Variants in GPC6 observed in about 807,000 individuals in gnomAD.
GPC6 encodes glypican 6.
In GPC6, 14 loss-of-function variants were observed where a neutral mutation model predicts 55.2. The ratio of observed to expected loss-of-function variants is 0.25; its 90% CI spans 0.17 to 0.40. GPC6 has a LOEUF of 0.40. Ranked by LOEUF, GPC6 falls within the 10% of genes least tolerant of loss-of-function variation. The pLI, the probability that GPC6 is intolerant of heterozygous loss-of-function variation, is 1.00. For missense variants in GPC6, 641 were observed against 708.5 expected (o/e 0.90, Z 1.08); for synonymous variants, 278 against 259.6 (o/e 1.07, Z -0.68).
At chr13:94,160,579 C>T (rs1014730870) in intron 4 of GPC6, among the ~76,000 whole-genome samples, 4 of 152,216 alleles carry the variant, frequency 2.6e-5, no homozygotes, top group East Asian at 1.9e-4. Context: ...TTAAACCATC[C>T]GTGGTAAGCA....
chr13:94,284,468 A>AT (rs1163989305), intron 4 of GPC6, among the ~76,000 whole-genome samples: 6 of 151,388 alleles, frequency 4.0e-5, no homozygotes, highest in South Asian at 4.2e-4. Context: ...TTTTTTTTTA[A>AT]TTTTTTTCTA....
rs545220748 is a variant in GPC6, at chr13:93,896,157, G to A, written c.711+65612G>A. ...TGTATCAAAACATCACATGTACCCCGATAAATACGTACAGCTATTATGTGG... is the reference window on the plus strand; with the variant it reads ...TGTATCAAAACATCACATGTACCCCAATAAATACGTACAGCTATTATGTGG... On this transcript the variant is annotated intron_variant, in intron 3 of 8. Coordinates refer to ENST00000377047, the MANE Select transcript of GPC6 (RefSeq NM_005708.5). Among the ~76,000 whole-genome samples, 19 of 151,920 alleles carry A rather than the reference G, an allele frequency of 1.3e-4. No homozygotes were observed. In the South Asian group the frequency reaches 2.9e-3, roughly 23 times the overall value.
intron 6 of GPC6, among the ~76,000 whole-genome samples, chr13:94,332,511 T>C (rs565175172): frequency 7.2e-5 from 11 of 152,362 alleles, no homozygotes; most frequent in African/African-American, 2.6e-4. Flanking sequence ...CTAATGTCTC[T>C]GTACATAGTT....
intron 1 of GPC6, among the ~76,000 whole-genome samples, chr13:93,354,312 A>T: frequency 6.6e-6 from 1 of 151,636 alleles, no homozygotes; most frequent in African/African-American, 2.4e-5. Flanking sequence ...ATATAATTTA[A>T]AAGACAAGTC....
intron 1 of GPC6, among the ~76,000 whole-genome samples, chr13:93,449,164 T>C (rs11838734): frequency 0.21 from 32,217 of 152,188 alleles, 3,579 homozygotes; most frequent in Middle Eastern, 0.28. Flanking sequence ...TGCCCATGCA[T>C]GCTGTGATAA....
chr13:94,060,865 C>G (rs1286929491), intron 4 of GPC6, among the ~76,000 whole-genome samples: 1 of 152,116 alleles, frequency 6.6e-6, no homozygotes, highest in Non-Finnish European at 1.5e-5. Context: ...TATTAAGTAG[C>G]TCTCTTTTGC....
intron 4 of GPC6, chr13:94,154,388 A>C (rs1887852988): frequency 6.6e-6 from 1 of 152,184 alleles, no homozygotes; most frequent in Admixed American, 6.6e-5. Context: ...ACATGGCAAA[A>C]GGTTTATATC....
chr13:93,920,055 C>T (rs1448364864), intron 3 of GPC6, among the ~76,000 whole-genome samples: 1 of 152,104 alleles, frequency 6.6e-6, no homozygotes, highest in South Asian at 2.1e-4. Flanking sequence ...GTTAATGTTT[C>T]CTCTGTGGTC....
intron 4 of GPC6, among the ~76,000 whole-genome samples, chr13:94,173,977 A>C (rs1888661086): frequency 6.6e-6 from 1 of 152,176 alleles, no homozygotes; most frequent in South Asian, 2.1e-4. Flanking sequence ...TTGATTACCA[A>C]CTATGGCAAT....
Position 93,317,163 on chromosome 13 carries a change from C to T in GPC6, c.160+89547C>T, listed in dbSNP as rs544137026. Among the ~76,000 whole-genome samples the T allele has an allele frequency of 6.6e-5, 10 of 152,130 alleles. No homozygotes were observed. In the South Asian group the frequency reaches 1.7e-3, roughly 25 times the overall value. On this transcript the variant is annotated intron_variant, in intron 1 of 8. Coordinates refer to ENST00000377047, the MANE Select transcript of GPC6 (RefSeq NM_005708.5). ...ATGGGGTGTTTTATATGTGGTCCTGCGTTCAGAAATCAAATTCAGATTTTA... is the reference window on the plus strand; with the variant it reads ...ATGGGGTGTTTTATATGTGGTCCTGTGTTCAGAAATCAAATTCAGATTTTA...
intron 3 of GPC6, among the ~76,000 whole-genome samples, chr13:93,907,011 AC>A (rs1387342749): frequency 6.6e-6 from 1 of 152,206 alleles, no homozygotes; most frequent in Non-Finnish European, 1.5e-5. Context: ...ACTAGAGTTA[AC>A]TTTTCAAATT....
chr13:94,252,276 T>G (rs1891373903), intron 4 of GPC6, among the ~76,000 whole-genome samples: 1 of 152,172 alleles, frequency 6.6e-6, no homozygotes, highest in Non-Finnish European at 1.5e-5. Flanking sequence ...ATGAGTTCTT[T>G]GCAAAGCCCT....
intron 2 of GPC6, among the ~76,000 whole-genome samples, chr13:93,692,656 T>A (rs1235936398): frequency 2.0e-5 from 3 of 152,070 alleles, no homozygotes; most frequent in African/African-American, 7.2e-5. Flanking sequence ...TCTCACTCTT[T>A]TTTCAGTTAA....
intron 6 of GPC6, among the ~76,000 whole-genome samples, chr13:94,360,715 C>A (rs183965930): frequency 2.0e-5 from 3 of 152,280 alleles, no homozygotes; most frequent in East Asian, 3.9e-4. Flanking sequence ...TCCTCCTCCC[C>A]CCAAATATAT....
rs141790361 is a variant in GPC6 at position 93,530,088 on chromosome 13, G to A, written c.161-15175G>A. Among the ~76,000 whole-genome samples, 91 of 152,316 alleles carry A rather than the reference G, an allele frequency of 6.0e-4. 1 individual carries two copies. The highest frequency in any genetic ancestry group is 2.0e-3 in the African/African-American group (85 of 41,576). ...GTAATTACTAGTTTGGGGTGTAATA[G>A]CAGTGGTATGAGCAGATGGCTAAGG... is the stretch of plus-strand genomic sequence containing the variant. On this transcript the variant is annotated intron_variant, in intron 1 of 8. Coordinates refer to ENST00000377047, the MANE Select transcript of GPC6 (RefSeq NM_005708.5).
At position 93,935,061 on chromosome 13, in the gene GPC6, C is replaced by A. The variant is rs986572233; in HGVS notation, c.712-92668C>A. Among the ~76,000 whole-genome samples, 4 of 152,050 alleles carry A rather than the reference C, an allele frequency of 2.6e-5. No homozygotes were observed. In the East Asian group the frequency reaches 7.7e-4, roughly 29 times the overall value. Reference sequence around the variant, plus strand: ...TGGTGGAAATCTGCAGTGTTTTTACCTTTTACTTGTTAATACGGCCTCTAT... The same window carrying A: ...TGGTGGAAATCTGCAGTGTTTTTACATTTTACTTGTTAATACGGCCTCTAT... On this transcript the variant is annotated intron_variant, in intron 3 of 8. Coordinates refer to ENST00000377047, the MANE Select transcript of GPC6 (RefSeq NM_005708.5).
In GPC6 at chr13:93,788,337, C is replaced by T. The variant is rs576711191; in HGVS notation, c.320-41817C>T. On this transcript the variant is annotated intron_variant, in intron 2 of 8. Coordinates refer to ENST00000377047, the MANE Select transcript of GPC6 (RefSeq NM_005708.5). ...AAGCCTCTTTTATAGGGGCCTTTAT[C>T]TTATTCACAAGAAAGGAGACCTCAT... 1.1e-4 allele frequency among the ~76,000 whole-genome samples: 16 copies of T among 152,146 alleles called. No homozygotes were observed. In the East Asian group the frequency reaches 2.9e-3, roughly 28 times the overall value.
At chr13:94,262,611 T>C (rs2139051532) in intron 4 of GPC6, among the ~76,000 whole-genome samples, 1 of 148,754 alleles carries the variant, frequency 6.7e-6, no homozygotes, top group African/African-American at 2.5e-5. Flanking sequence ...AAGCAAAGAT[T>C]GCAGTGAGAC....
intron 8 of GPC6, 144 bp from the exon 9 acceptor site, chr13:94,402,871 C>T: frequency 1.3e-6 from 1 of 766,646 alleles, no homozygotes; most frequent in South Asian, 1.4e-5. Context: ...GGGAAACCAC[C>T]ACCATGATTG....
Sources: allele counts gnomAD v4.1 joint callset (sites outside exome capture counted in the v4.1 genomes callset), GRCh38; gene constraint gnomAD v4.1.1; transcripts MANE v1.5; gene names NCBI Gene and HGNC (gene_info 2026-07-23, HGNC 2026-07-21).